Variants in CCDC146 observed in about 807,000 individuals in gnomAD.
The protein encoded by CCDC146 is coiled-coil domain containing 146, also known as coiled-coil domain-containing protein 146.
In CCDC146, 92 loss-of-function variants were observed where a neutral mutation model predicts 119.3. That is an observed-to-expected ratio of 0.77 (90% CI 0.65 to 0.92). CCDC146 has a LOEUF of 0.92. Ranked by LOEUF, CCDC146 falls within the 40% of genes least tolerant of loss-of-function variation. The pLI is 0.00. For synonymous variants in CCDC146, 372 were observed against 371.8 expected (o/e 1.00, Z -0.01); for missense variants, 1,000 against 1,103.0 (o/e 0.91, Z 1.32).
chr7:77,261,346 C>A (rs1383775605), intron 8 of CCDC146, among the ~76,000 whole-genome samples: 2 of 152,286 alleles, frequency 1.3e-5, no homozygotes, highest in East Asian at 1.9e-4. Context: ...TCATTTTGCT[C>A]CCACTTATAA....
At chr7:77,204,223 A>G (rs1187876942) in intron 2 of CCDC146, among the ~76,000 whole-genome samples, 2 of 152,344 alleles carry the variant, frequency 1.3e-5, no homozygotes, top group East Asian at 1.9e-4. Context: ...AAATTAAAAC[A>G]TTCACTTTTT....
intron 2 of CCDC146, among the ~76,000 whole-genome samples, chr7:77,203,264 T>A (rs925331046): frequency 1.3e-5 from 2 of 152,002 alleles, no homozygotes; most frequent in Non-Finnish European, 2.9e-5. Flanking sequence ...CTCTGAAATT[T>A]GCCTCTGATT....
intron 2 of CCDC146, among the ~76,000 whole-genome samples, chr7:77,182,084 A>G (rs1347984474): frequency 6.6e-6 from 1 of 152,230 alleles, no homozygotes; most frequent in Non-Finnish European, 1.5e-5. Context: ...GGAGGCAAAC[A>G]GATACATCTG....
intron 2 of CCDC146, among the ~76,000 whole-genome samples, chr7:77,177,366 A>T (rs1205340949): frequency 1.3e-5 from 2 of 152,182 alleles, no homozygotes; most frequent in Non-Finnish European, 2.9e-5. Flanking sequence ...GAGCTTACGA[A>T]GTAGTTTCAA....
At chr7:77,279,229 C>A (rs1793716918) in intron 13 of CCDC146, 128 bp downstream of exon 13, 1 of 748,412 alleles carries the variant, frequency 1.3e-6, no homozygotes, top group Non-Finnish European at 2.1e-6. Context: ...GTGCCACTGC[C>A]CTCCAGCCTG....
chr7:77,206,886 C>G (rs1284383480), intron 2 of CCDC146, among the ~76,000 whole-genome samples: 1 of 151,768 alleles, frequency 6.6e-6, no homozygotes, highest in East Asian at 1.9e-4. Flanking sequence ...AACAATTAAA[C>G]TATTATGGTA....
intron 2 of CCDC146, among the ~76,000 whole-genome samples, chr7:77,222,723 G>A (rs1261438628): frequency 1.3e-5 from 2 of 152,226 alleles, no homozygotes; most frequent in South Asian, 2.1e-4. Context: ...TACATGTGTA[G>A]CCCTTGTATG....
chr7:77,255,012 C>G (rs1007799326), intron 5 of CCDC146, among the ~76,000 whole-genome samples: 1 of 152,088 alleles, frequency 6.6e-6, no homozygotes, highest in Non-Finnish European at 1.5e-5. Context: ...TTCACAGTTC[C>G]GAATATTCTG....
In CCDC146 at chr7:77,294,798, A is replaced by G. The variant is rs1392026370; in HGVS notation, c.2800A>G (p.Lys934Glu). The G allele has an allele frequency of 6.2e-7, 1 of 1,614,054 alleles. No individual in the cohort carries two copies. Among genetic ancestry groups the G allele is most frequent in the Non-Finnish European group, 8.5e-7 (1 of 1,179,990 alleles). Residue 934 changes from lysine to glutamate, a missense_variant, in exon 19 of 19, where the codon AAA (lysine) becomes GAA (glutamate). Around this residue, in one of 2 missense-constraint regions of CCDC146, gnomAD observed 985 missense variants for 1,045.3 expected, o/e 0.94. Transcript: ENST00000285871. ...ACCTTATGGTGCTTTGGCTCCTTTT[A>G]AACCCAGTGAACCTGGAGCCAATAT... The part of the protein sequence containing the change: ...PKPYGALAPF[K>E]PSEPGANMRH...
chr7:77,179,207 G>A (rs1340619411), intron 2 of CCDC146, among the ~76,000 whole-genome samples: 1 of 152,148 alleles, frequency 6.6e-6, no homozygotes, highest in Non-Finnish European at 1.5e-5. Context: ...CAGAGTATCA[G>A]GGAATCATAA....
At chr7:77,239,581 G>A (rs78947995) in intron 3 of CCDC146, among the ~76,000 whole-genome samples, 14 of 152,342 alleles carry the variant, frequency 9.2e-5, no homozygotes, top group African/African-American at 2.6e-4. Flanking sequence ...GTCATTGGGC[G>A]TCTCTGCAAA....
chr7:77,249,305 T>TG (rs2150499114), intron 4 of CCDC146, among the ~76,000 whole-genome samples: 1 of 152,184 alleles, frequency 6.6e-6, no homozygotes, highest in East Asian at 1.9e-4. Context: ...CTGGCCAACA[T>TG]GGTGAAACCC....
chr7:77,125,911 G>A (rs1790684901), intron 1 of CCDC146, among the ~76,000 whole-genome samples: 1 of 152,118 alleles, frequency 6.6e-6, no homozygotes, highest in African/African-American at 2.4e-5. Context: ...AAATCTCTAT[G>A]TGAAACTGCA....
rs1173052451 is a variant in CCDC146 at position 77,161,026 on chromosome 7, A to G, written c.-11-6632A>G. Among the ~76,000 whole-genome samples, 6 of 152,250 alleles carry G rather than the reference A, an allele frequency of 3.9e-5. No homozygotes were observed. In the East Asian group the frequency reaches 7.7e-4, roughly 20 times the overall value. On this transcript the variant is annotated intron_variant, in intron 1 of 18. Coordinates refer to ENST00000285871, the MANE Select transcript of CCDC146 (RefSeq NM_020879.3). ...GAAGACATTTATGCAGCCAAAAAAC[A>G]CATGAAAAAATGCTCTCCATCACTG...
chr7:77,241,394 T>C lies in CCDC146; in HGVS notation c.240-297T>C, dbSNP rs1028412972. On this transcript the variant is annotated intron_variant, in intron 3 of 18. Coordinates refer to ENST00000285871, the MANE Select transcript of CCDC146 (RefSeq NM_020879.3). ...TTAAGAGTGCCAGTCAGGTATTCTA[T>C]AGAGCATTTCTCAGTTTGGAATTTT... Among the ~76,000 whole-genome samples, 2 of 76,088 alleles carry C rather than the reference T, an allele frequency of 2.6e-5. 1 individual carries two copies. The highest frequency in any genetic ancestry group is 7.8e-5 in the Non-Finnish European group (2 of 25,490). 49.9% of individuals were successfully genotyped at this position (76,088 alleles called of 152,430 possible).
At position 77,287,614 on chromosome 7, in the gene CCDC146, G is replaced by T. The variant is rs529306347; in HGVS notation, c.2415+37G>T. The T allele has an allele frequency of 4.7e-5, 75 of 1,598,814 alleles. No homozygotes were observed. In the South Asian group the frequency reaches 7.8e-4, roughly 17 times the overall value. On this transcript the variant is annotated intron_variant, in intron 17 of 18. Transcript: ENST00000285871. Reference sequence around the variant, plus strand: ...ACCCTGCCTTTTCCCTTCTGCCCCTGCTCCTTTATTACCTTTTATTTTCCA... The same window carrying T: ...ACCCTGCCTTTTCCCTTCTGCCCCTTCTCCTTTATTACCTTTTATTTTCCA...
intron 15 of CCDC146, among the ~76,000 whole-genome samples, chr7:77,283,886 C>T (rs1201225483): frequency 1.3e-5 from 2 of 152,008 alleles, no homozygotes; most frequent in Non-Finnish European, 2.9e-5. Flanking sequence ...GTTCTGATTC[C>T]AAGTTTGTTT....
At chr7:77,187,573 T>C (rs1791688648) in intron 2 of CCDC146, among the ~76,000 whole-genome samples, 1 of 152,238 alleles carries the variant, frequency 6.6e-6, no homozygotes, top group African/African-American at 2.4e-5. Context: ...TCTCAGCATG[T>C]CATTCATAGG....
At chr7:77,257,328 A>G (rs1434251778) in intron 6 of CCDC146, 1 of 152,166 alleles carries the variant, frequency 6.6e-6, no homozygotes, top group African/African-American at 2.4e-5. Flanking sequence ...GACTCTCAAA[A>G]CAGTTTTAAT....
Sources: allele counts gnomAD v4.1 joint callset (sites outside exome capture counted in the v4.1 genomes callset), GRCh38; gene constraint gnomAD v4.1.1; regional missense constraint gnomAD v4.1.1; transcripts MANE v1.5; gene names NCBI Gene and HGNC (gene_info 2026-07-23, HGNC 2026-07-21).